The following MYO5A variants were observed in gnomAD, a reference collection of about 807,000 sequenced individuals.
MYO5A encodes the protein myosin VA.
Under a neutral mutation model 249.7 loss-of-function variants are expected in MYO5A, and 98 were observed. The ratio of observed to expected loss-of-function variants is 0.39; its 90% CI spans 0.33 to 0.46. MYO5A has a LOEUF of 0.46. Among genes scored for constraint, MYO5A ranks in the 20% least tolerant of loss-of-function variants. The pLI, the probability that MYO5A is intolerant of heterozygous loss-of-function variation, is 0.98. For missense variants in MYO5A, 1,696 were observed against 2,308.8 expected, an observed-to-expected ratio of 0.73 and a Z score of 5.44; for synonymous variants, 778 against 810.6, an observed-to-expected ratio of 0.96 and a Z score of 0.68.
intron 1 of MYO5A, among the ~76,000 whole-genome samples, chr15:52,524,705 A>G (rs550741384): frequency 2.6e-5 from 4 of 152,104 alleles, no homozygotes; most frequent in African/African-American, 7.2e-5. Flanking sequence ...TACTGAGACT[A>G]TCTCTAGAAG....
chr15:52,388,687 G>A (rs911606817), intron 13 of MYO5A, among the ~76,000 whole-genome samples: 5 of 152,160 alleles, frequency 3.3e-5, no homozygotes, highest in African/African-American at 1.2e-4. Context: ...CAGTAAGACA[G>A]TATGCCTTAT....
chr15:52,417,292 G>C (rs2043548524), intron 4 of MYO5A, among the ~76,000 whole-genome samples: 1 of 152,080 alleles, frequency 6.6e-6, no homozygotes, highest in South Asian at 2.1e-4. Context: ...AACCACTTCA[G>C]GAGATACTCT....
intron 14 of MYO5A, among the ~76,000 whole-genome samples, chr15:52,386,815 T>C (rs1162112248): frequency 3.3e-5 from 5 of 152,216 alleles, no homozygotes; most frequent in African/African-American, 1.2e-4. Flanking sequence ...CCCAAAGTGC[T>C]GGGATTACAG....
intron 9 of MYO5A, among the ~76,000 whole-genome samples, chr15:52,403,177 C>T (rs896191987): frequency 6.6e-6 from 1 of 152,118 alleles, no homozygotes; most frequent in African/African-American, 2.4e-5. Flanking sequence ...TTAGGAGAAG[C>T]TTGACATTTG....
intron 1 of MYO5A, among the ~76,000 whole-genome samples, chr15:52,504,192 A>C (rs1277112930): frequency 6.6e-6 from 1 of 151,818 alleles, no homozygotes; most frequent in African/African-American, 2.4e-5. Flanking sequence ...GTTTCTACAC[A>C]CTCATCCTTT....
chr15:52,363,530 ATC>A (rs1312949961), intron 24 of MYO5A, among the ~76,000 whole-genome samples: 3 of 152,166 alleles, frequency 2.0e-5, no homozygotes, highest in Non-Finnish European at 4.4e-5. Context: ...GTATTACACA[ATC>A]TCTTTTATTT....
chr15:52,506,526 CAAAA>C (rs35101614), intron 1 of MYO5A, among the ~76,000 whole-genome samples: 3 of 118,294 alleles, frequency 2.5e-5, no homozygotes, highest in Admixed American at 8.7e-5. Flanking sequence ...GACCCTTTCT[CAAAA>C]AAAAAAAAAA....
At position 52,308,105 on chromosome 15, in the gene MYO5A, A is replaced by G. The variant is rs1388139334; in HGVS notation, c.*5591T>C. 1 of 152,210 alleles carries G rather than the reference A, an allele frequency of 6.6e-6. No individual in the cohort carries two copies. The highest frequency in any genetic ancestry group is 6.5e-5 in the Admixed American group (1 of 15,292). The allele number at this position is 152,210 out of a possible 1,614,324, so 9.4% of individuals were successfully genotyped here. On this transcript the variant is annotated 3_prime_UTR_variant, in exon 42 of 42. Coordinates refer to ENST00000399233, the MANE Select transcript of MYO5A (RefSeq NM_001382347.1). ...CACTGAATTATATATACCAGTTTCA[A>G]CTAAAAAACAACATTTTTTCTTTCA...
At chr15:52,341,877 C>T (rs2039400529) in intron 31 of MYO5A, among the ~76,000 whole-genome samples, 1 of 152,144 alleles carries the variant, frequency 6.6e-6, no homozygotes, top group Admixed American at 6.5e-5. Flanking sequence ...TAGAAAGGTG[C>T]TGCTGTTTCA....
At chr15:52,439,325 A>G (rs112487096) in intron 1 of MYO5A, among the ~76,000 whole-genome samples, 357 of 152,316 alleles carry the variant, frequency 2.3e-3, no homozygotes, top group African/African-American at 8.2e-3. Flanking sequence ...GCTCTCTTTC[A>G]GTGATCCCCG....
intron 30 of MYO5A, among the ~76,000 whole-genome samples, chr15:52,345,352 C>T (rs901842768): frequency 1.4e-4 from 21 of 152,088 alleles, no homozygotes; most frequent in African/African-American, 4.8e-4. Context: ...GAGGCCGAAG[C>T]GGGTGGATCA....
At chr15:52,444,640 T>A (rs1217451907) in intron 1 of MYO5A, among the ~76,000 whole-genome samples, 2 of 152,204 alleles carry the variant, frequency 1.3e-5, no homozygotes, top group Non-Finnish European at 2.9e-5. Context: ...TTTCTCCTGA[T>A]TGGGACCAAA....
intron 25 of MYO5A, among the ~76,000 whole-genome samples, chr15:52,355,111 T>C (rs1393192602): frequency 1.3e-5 from 2 of 152,220 alleles, no homozygotes; most frequent in Non-Finnish European, 2.9e-5. Context: ...ATTTAAATTG[T>C]TTACAATGGG....
chr15:52,405,980 T>G (rs1383649950), intron 8 of MYO5A, among the ~76,000 whole-genome samples: 1 of 152,202 alleles, frequency 6.6e-6, no homozygotes, highest in Non-Finnish European at 1.5e-5. Context: ...GACGCCAAGA[T>G]TAGAAGCGTT....
Position 52,316,897 on chromosome 15 carries a change from CT to C in MYO5A, c.5409+150del, listed in dbSNP as rs1017719693. The C allele has an allele frequency of 5.1e-6, 4 of 788,100 alleles. No individual in the cohort carries two copies. The African/African-American group carries it at 7.0e-5, about 14-fold the overall frequency. 48.8% of individuals were successfully genotyped at this position (788,100 alleles called of 1,614,324 possible). ...ATGTATTAATTTCTGGCAAAATCTC[CT>C]TGCTTTAAGATTGGTAGAGGCATAT... On this transcript the variant is annotated intron_variant, in intron 40 of 41. Transcript: ENST00000399233.
chr15:52,513,958 T>C (rs2077448035), intron 1 of MYO5A, among the ~76,000 whole-genome samples: 1 of 152,170 alleles, frequency 6.6e-6, no homozygotes, highest in South Asian at 2.1e-4. Flanking sequence ...TCATCTATAA[T>C]GACATGTTAA....
chr15:52,350,395 G>A (rs28594692), intron 28 of MYO5A, among the ~76,000 whole-genome samples: 13,782 of 151,976 alleles, frequency 0.091, 1,936 homozygotes, highest in African/African-American at 0.3. Context: ...CCGATTATAC[G>A]TGCCAGGCAC....
In MYO5A at chr15:52,317,029, A is replaced by G; in HGVS notation, c.5409+19T>C. On this transcript the variant is annotated intron_variant, in intron 40 of 41. Transcript: ENST00000399233. Reference sequence around the variant, plus strand: ...TTGATGAATGTTAAATTATTTTGTAACAGGGAAAGTTGCTCTACCTGGGCA... The same window carrying G: ...TTGATGAATGTTAAATTATTTTGTAGCAGGGAAAGTTGCTCTACCTGGGCA... 2 of 1,607,270 alleles carry G rather than the reference A, an allele frequency of 1.2e-6. No homozygotes were observed. The highest frequency in any genetic ancestry group is 8.5e-7 in the Non-Finnish European group (1 of 1,173,784).
intron 11 of MYO5A, among the ~76,000 whole-genome samples, chr15:52,393,573 T>C (rs561243369): frequency 6.6e-6 from 1 of 152,242 alleles, no homozygotes; most frequent in South Asian, 2.1e-4. Flanking sequence ...TTTTATATTT[T>C]TAGTAGAGAC....
Sources: allele counts gnomAD v4.1 joint callset (sites outside exome capture counted in the v4.1 genomes callset), GRCh38; gene constraint gnomAD v4.1.1; transcripts MANE v1.5; gene names NCBI Gene and HGNC (gene_info 2026-07-23, HGNC 2026-07-21).